Variants in ATP5MG observed in about 807,000 individuals in gnomAD.
ATP5MG encodes the protein ATP synthase F(0) complex subunit g, mitochondrial.
In ATP5MG, 7 loss-of-function variants were observed where a neutral mutation model predicts 12.7. The observed-to-expected ratio is 0.55, with a 90% CI of 0.31 to 1.04. The LOEUF (loss-of-function observed/expected upper bound fraction) is 1.04. ATP5MG is among the 50% of genes least tolerant of loss of function. ATP5MG has a pLI of 0.05. For missense variants in ATP5MG, 116 were observed against 126.7 expected (o/e 0.92, Z 0.41); for synonymous variants, 53 against 48.2 (o/e 1.10, Z -0.41).
intron 1 of ATP5MG, among the ~76,000 whole-genome samples, chr11:118,403,146 T>C (rs1948943696): frequency 6.6e-6 from 1 of 152,228 alleles, no homozygotes; most frequent in Non-Finnish European, 1.5e-5. Flanking sequence ...AGAAAATCTT[T>C]TACTTTACTA....
intron 1 of ATP5MG, chr11:118,406,736 G>A (rs1368030939): frequency 2.9e-6 from 2 of 691,272 alleles, no homozygotes; most frequent in African/African-American, 3.6e-5. Flanking sequence ...GAACATCCCT[G>A]TGGCACAGGT....
chr11:118,401,783 A>G (rs1948929269), intron 1 of ATP5MG, 66 bp downstream of exon 1: 1 of 1,573,686 alleles, frequency 6.4e-7, no homozygotes, highest in Non-Finnish European at 8.7e-7. Context: ...ATGGCCTGAG[A>G]GGAAGAAGCG....
Position 118,401,685 on chromosome 11 carries a change from A to T in ATP5MG, c.20A>T (p.Asn7Ile), listed in dbSNP as rs984840589. 1.9e-6 allele frequency: 3 copies of T among 1,613,832 alleles called. No homozygotes were observed. The African/African-American group carries it at 4.0e-5, about 22-fold the overall frequency. Residue 7 changes from asparagine to isoleucine, a missense_variant, in exon 1 of 3, where the codon AAC becomes ATC. Coordinates refer to ENST00000300688, the MANE Select transcript of ATP5MG (RefSeq NM_006476.5). MAQFVRNLVEKTPALVN... is the reference protein window; with the variant it reads MAQFVRILVEKTPALVN... ...AGAACCATGGCCCAATTTGTCCGTAACCTTGTGGAGAAGACCCCGGCGCTG... is the reference window on the plus strand; with the variant it reads ...AGAACCATGGCCCAATTTGTCCGTATCCTTGTGGAGAAGACCCCGGCGCTG...
intron 2 of ATP5MG, 47 bp from the exon 3 acceptor site, chr11:118,408,953 A>AAT: frequency 2.2e-6 from 1 of 461,700 alleles, no homozygotes; most frequent in East Asian, 6.1e-5. Context: ...ATATATAATT[A>AAT]TATATATATA....
At chr11:118,406,320 C>T (rs1948971287) in intron 1 of ATP5MG, 1 of 152,696 alleles carries the variant, frequency 6.5e-6, no homozygotes, top group Non-Finnish European at 1.5e-5. Flanking sequence ...CTCTTCTTAA[C>T]TATACATGTA....
At chr11:118,407,273 A>G in intron 2 of ATP5MG, 176 bp downstream of exon 2, 1 of 941,398 alleles carries the variant, frequency 1.1e-6, no homozygotes, top group East Asian at 2.8e-5. Context: ...TCACCTGGGT[A>G]GAAATAATTA....
chr11:118,403,262 A>G (rs1948944838), intron 1 of ATP5MG, among the ~76,000 whole-genome samples: 1 of 152,180 alleles, frequency 6.6e-6, no homozygotes, highest in African/African-American at 2.4e-5. Flanking sequence ...TTGGGAGGCC[A>G]AGGCGGGCAG....
chr11:118,401,641 G>A lies in ATP5MG; in HGVS notation c.-25G>A. 6.2e-7 allele frequency: 1 copy of A among 1,614,064 alleles called. No individual in the cohort carries two copies. The highest frequency in any genetic ancestry group is 8.5e-7 in the Non-Finnish European group (1 of 1,179,952). On this transcript the variant is annotated 5_prime_UTR_variant, in exon 1 of 3. Transcript: ENST00000300688. ...GGTGACATTCAGCCGGCGGTTCGGG[G>A]CGACGGACTCTCCATTCCAGAACCA...
chr11:118,404,371 T>G (rs1948955262), intron 1 of ATP5MG, among the ~76,000 whole-genome samples: 1 of 151,932 alleles, frequency 6.6e-6, no homozygotes, highest in Non-Finnish European at 1.5e-5. Context: ...GTGTACCACA[T>G]TGCATTTAGT....
Position 118,401,653 on chromosome 11 carries a change from C to G in ATP5MG, c.-13C>G. On this transcript the variant is annotated 5_prime_UTR_variant, in exon 1 of 3. Transcript: ENST00000300688. ...CCGGCGGTTCGGGGCGACGGACTCT[C>G]CATTCCAGAACCATGGCCCAATTTG... 6.2e-7 allele frequency: 1 copy of G among 1,614,150 alleles called. No homozygotes were observed. The highest frequency in any genetic ancestry group is 8.5e-7 in the Non-Finnish European group (1 of 1,180,000).
chr11:118,402,699 T>C (rs1948939036), intron 1 of ATP5MG, among the ~76,000 whole-genome samples: 1 of 148,858 alleles, frequency 6.7e-6, no homozygotes, highest in Non-Finnish European at 1.5e-5. Context: ...TTTCTTTCTT[T>C]TTTTTTTTTT....
At position 118,406,870 on chromosome 11, in the gene ATP5MG, C is replaced by T. The variant is rs905796462; in HGVS notation, c.53-67C>T. 5.9e-6 allele frequency: 9 copies of T among 1,537,688 alleles called. No homozygotes were observed. The African/African-American group carries it at 9.6e-5, about 16-fold the overall frequency. On this transcript the variant is annotated intron_variant, in intron 1 of 2. Transcript: ENST00000300688. ...AATAAATATTTGTGTCCAGCCCACA[C>T]ATCTGCTTCTTTCGGTCTCTAGTGA...
chr11:118,409,107 C>G lies in ATP5MG; in HGVS notation c.*9C>G. On this transcript the variant is annotated 3_prime_UTR_variant, in exon 3 of 3. Coordinates refer to ENST00000300688, the MANE Select transcript of ATP5MG (RefSeq NM_006476.5). ...TTGGCTATGATGTTTGAAGACCAAT[C>G]TTTAACATCTGATTATATTTGATTT... is the stretch of plus-strand genomic sequence containing the variant. 6.4e-7 allele frequency: 1 copy of G among 1,564,462 alleles called. No homozygotes were observed.
At chr11:118,402,143 T>C (rs1032587952) in intron 1 of ATP5MG, among the ~76,000 whole-genome samples, 1 of 152,108 alleles carries the variant, frequency 6.6e-6, no homozygotes, top group Non-Finnish European at 1.5e-5. Context: ...CAGTGGAGTA[T>C]TTGGAAGTCA....
chr11:118,402,819 C>T (rs568466678), intron 1 of ATP5MG, among the ~76,000 whole-genome samples: 3 of 151,834 alleles, frequency 2.0e-5, no homozygotes, highest in Non-Finnish European at 2.9e-5. Flanking sequence ...CCCACCTCAG[C>T]CTCCTGAGTA....
At chr11:118,403,030 T>C (rs1271483641) in intron 1 of ATP5MG, among the ~76,000 whole-genome samples, 1 of 152,070 alleles carries the variant, frequency 6.6e-6, no homozygotes, top group Non-Finnish European at 1.5e-5. Flanking sequence ...CTCCCTTCCC[T>C]CCATCACCAG....
At chr11:118,402,191 T>C (rs1948933797) in intron 1 of ATP5MG, among the ~76,000 whole-genome samples, 1 of 152,196 alleles carries the variant, frequency 6.6e-6, no homozygotes, top group Non-Finnish European at 1.5e-5. Context: ...TTTTTGAACG[T>C]TGACTTTGCT....
intron 2 of ATP5MG, among the ~76,000 whole-genome samples, chr11:118,408,795 T>C (rs1248262047): frequency 6.6e-6 from 1 of 152,122 alleles, no homozygotes; most frequent in Admixed American, 6.5e-5. Flanking sequence ...CCTTACAAAA[T>C]TGAAAGTTCA....
At chr11:118,404,994 G>T (rs1948959914) in intron 1 of ATP5MG, among the ~76,000 whole-genome samples, 1 of 152,148 alleles carries the variant, frequency 6.6e-6, no homozygotes, top group African/African-American at 2.4e-5. Context: ...TAGCACCTCT[G>T]TCCCTTTGAC....
Sources: gnomAD v4.1 joint callset for allele counts (sites outside exome capture counted in the v4.1 genomes callset) on GRCh38, gnomAD v4.1.1 for gene constraint, MANE v1.5 for transcripts, NCBI Gene and HGNC (gene_info 2026-07-23, HGNC 2026-07-21) for gene names.